KMT2E: variants seen among roughly 807,000 people sequenced by gnomAD.
KMT2E encodes the protein lysine methyltransferase 2E (inactive), also known as histone reader KMT2E.
KMT2E carries 30 observed loss-of-function variants against 184.6 expected under a neutral mutation model. That is an observed-to-expected ratio of 0.16 (90% CI 0.12 to 0.22). The LOEUF (loss-of-function observed/expected upper bound fraction) is 0.22, where lower values mean the gene tolerates loss of function less well. Among genes scored for constraint, KMT2E ranks in the 10% least tolerant of loss-of-function variants. The pLI is 1.00. For synonymous variants in KMT2E, 815 were observed against 776.5 expected (o/e 1.05, Z -0.82); for missense variants, 2,023 against 2,237.4 (o/e 0.90, Z 1.93).
At chr7:105,102,944 G>C (rs1348356485) in intron 17 of KMT2E, 1 of 152,174 alleles carries the variant, frequency 6.6e-6, no homozygotes, top group East Asian at 1.9e-4. Flanking sequence ...ATTCTAGTAT[G>C]AACCCAGGAT....
chr7:105,103,827 CTTTTTTTTTTTT>C (rs66584948), intron 17 of KMT2E: 2 of 117,608 alleles, frequency 1.7e-5, no homozygotes, highest in East Asian at 2.7e-4. Context: ...TTTTCTTTTT[CTTTTTTTTTTTT>C]TTTTTTGAGA....
At position 105,112,366 on chromosome 7, in the gene KMT2E, A is replaced by G; in HGVS notation, c.4610A>G (p.Gln1537Arg). The change falls in exon 27 of 27, where the codon CAA becomes CGA. Residue 1537 changes from glutamine (Q) to arginine (R), a missense_variant. This residue lies in a region of KMT2E where 1,108 missense variants were observed against 1,050.9 expected (regional missense o/e 1.05). Coordinates refer to ENST00000311117, the MANE Select transcript of KMT2E (RefSeq NM_182931.3). Reference protein sequence around the residue: ...SSATYSQFNQQSLNSTAPPPP... With the variant: ...SSATYSQFNQRSLNSTAPPPP... The stretch of plus-strand genomic sequence containing the variant: ...GCAACATACAGTCAGTTTAACCAAC[A>G]AAGTCTGAACAGCACGGCACCACCC... 3 of 1,613,182 alleles carry G rather than the reference A, an allele frequency of 1.9e-6. No individual in the cohort carries two copies. Among genetic ancestry groups the G allele is most frequent in the Non-Finnish European group, 2.5e-6 (3 of 1,180,016 alleles).
chr7:105,027,484 G>A (rs1023056717), intron 1 of KMT2E, among the ~76,000 whole-genome samples: 6 of 152,072 alleles, frequency 3.9e-5, no homozygotes, highest in Admixed American at 3.3e-4. Flanking sequence ...TTCAGAGATT[G>A]TGTGCTTTTT....
Position 105,111,076 on chromosome 7 carries a change from A to G in KMT2E, c.4068+208A>G, listed in dbSNP as rs186938437. The stretch of plus-strand genomic sequence containing the variant: ...ATGGATAACTCTGACCAAACATTCA[A>G]GTTTTCTAAGCACACTTCAACAGCT... On this transcript the variant is annotated intron_variant, in intron 26 of 26. Transcript: ENST00000311117. 2.7e-4 allele frequency: 147 copies of G among 548,778 alleles called. 1 individual carries two copies. The highest frequency in any genetic ancestry group is 2.1e-4 in the East Asian group (7 of 33,468). 34.0% of individuals were successfully genotyped at this position (548,778 alleles called of 1,614,324 possible). A position where few individuals can be genotyped will look rare whatever the true frequency, so the allele number is the denominator to read the frequency against.
At chr7:105,100,891 T>G (rs1376246443) in intron 15 of KMT2E, among the ~76,000 whole-genome samples, 1 of 152,028 alleles carries the variant, frequency 6.6e-6, no homozygotes, top group East Asian at 1.9e-4. Flanking sequence ...ATTACCCACA[T>G]CTTACTGTCT....
chr7:105,084,372 A>T (rs1044240204), intron 13 of KMT2E, among the ~76,000 whole-genome samples: 27 of 152,184 alleles, frequency 1.8e-4, no homozygotes, highest in Admixed American at 9.2e-4. Context: ...CACACCTGTA[A>T]TCCCAGCACT....
intron 17 of KMT2E, chr7:105,103,063 G>A (rs1229551471): frequency 6.6e-6 from 1 of 152,042 alleles, no homozygotes; most frequent in Non-Finnish European, 1.5e-5. Context: ...TCTCCTTACT[G>A]CACCGCCATA....
rs572805097 is a variant in KMT2E at position 105,112,130 on chromosome 7, A to G, written c.4374A>G (p.Thr1458=). The G allele has an allele frequency of 9.3e-6, 15 of 1,613,814 alleles. No individual in the cohort carries two copies. In the African/African-American group the frequency reaches 1.3e-4, roughly 14 times the overall value. The change falls in exon 27 of 27, where the codon ACA becomes ACG. Residue 1458 remains threonine (T), a synonymous_variant. Coordinates refer to ENST00000311117, the MANE Select transcript of KMT2E (RefSeq NM_182931.3). ...CTCCAAAGTCATCCACGCCTCACAC[A>G]CCTGTACAGCATGGTTATCTTTCAC... ...ENPPKSSTPH[T]PVQHGYLSPK...
In KMT2E at chr7:105,030,622, A is replaced by G. The variant is rs1386849061; in HGVS notation, c.-188-7504A>G. Among the ~76,000 whole-genome samples, 5 of 152,200 alleles carry G rather than the reference A, an allele frequency of 3.3e-5. No individual in the cohort carries two copies. In the East Asian group the frequency reaches 7.7e-4, roughly 23 times the overall value. On this transcript the variant is annotated intron_variant, in intron 1 of 26. Coordinates refer to ENST00000311117, the MANE Select transcript of KMT2E (RefSeq NM_182931.3). ...TCTGTCCAATGTTGTAACCAGTACTAAAATAGAGCACTGGTGTGAATGCCC... is the reference window on the plus strand; with the variant it reads ...TCTGTCCAATGTTGTAACCAGTACTGAAATAGAGCACTGGTGTGAATGCCC...
Position 105,112,922 on chromosome 7 carries a change from A to C in KMT2E, c.5166A>C (p.Pro1722=), listed in dbSNP as rs751560650. 2.5e-6 allele frequency: 4 copies of C among 1,612,294 alleles called. No individual in the cohort carries two copies. The South Asian group carries it at 4.4e-5, about 18-fold the overall frequency. ...CACCCCCACCACCCCCTCCGCCGCC[A>C]CCTTCCAGTGTTTTGGCTTCTGGGC... ...NSAPPPPPPP[P]PSSVLASGHH... Residue 1722 remains proline (P), a synonymous_variant, in exon 27 of 27, where the codon CCA becomes CCC. Coordinates refer to ENST00000311117, the MANE Select transcript of KMT2E (RefSeq NM_182931.3).
chr7:105,091,603 C>G (rs886470994), intron 15 of KMT2E: 4 of 509,390 alleles, frequency 7.9e-6, no homozygotes, highest in African/African-American at 7.8e-5. Context: ...AATTTTAATG[C>G]CACAATTACT....
intron 17 of KMT2E, 82 bp from the exon 18 acceptor site, chr7:105,105,357 C>T: frequency 1.6e-5 from 16 of 1,015,156 alleles, no homozygotes; most frequent in South Asian, 9.2e-5. Flanking sequence ...GATAATACAC[C>T]AATTTCAAAT....
chr7:105,047,933 A>T (rs780489783), intron 3 of KMT2E, among the ~76,000 whole-genome samples: 2 of 152,246 alleles, frequency 1.3e-5, no homozygotes, highest in African/African-American at 2.4e-5. Flanking sequence ...ATTCCCAAGG[A>T]TTCTAAGAGC....
intron 12 of KMT2E, among the ~76,000 whole-genome samples, chr7:105,079,511 C>CTT (rs66734303): frequency 0.014 from 872 of 62,338 alleles, 216 homozygotes; most frequent in Middle Eastern, 0.026. Context: ...ATTGGACTTC[C>CTT]TTTTTTTTTT....
chr7:105,087,702 G>A (rs1798040960), intron 13 of KMT2E, among the ~76,000 whole-genome samples: 1 of 151,866 alleles, frequency 6.6e-6, no homozygotes, highest in African/African-American at 2.4e-5. Flanking sequence ...GGGATTACAA[G>A]CGTGAATTAC....
At chr7:105,023,056 G>C (rs1795017856) in intron 1 of KMT2E, among the ~76,000 whole-genome samples, 1 of 152,154 alleles carries the variant, frequency 6.6e-6, no homozygotes, top group African/African-American at 2.4e-5. Flanking sequence ...ACACACAAAA[G>C]ATGTGCTTCT....
rs544002599 is a variant in KMT2E, at chr7:105,033,986, G to A, written c.-188-4140G>A. ...ATCTATTCCTCAGAGAACTAATCCA[G>A]TCTTGCCAGAGATAATGCTCTCACT... is the stretch of plus-strand genomic sequence containing the variant. On this transcript the variant is annotated intron_variant, in intron 1 of 26. Transcript: ENST00000311117. 2.6e-5 allele frequency among the ~76,000 whole-genome samples: 4 copies of A among 152,196 alleles called. No individual in the cohort carries two copies. In the East Asian group the frequency reaches 7.7e-4, roughly 29 times the overall value.
intron 16 of KMT2E, 61 bp from the exon 17 acceptor site, chr7:105,101,825 T>A: frequency 5.4e-6 from 7 of 1,294,846 alleles, no homozygotes; most frequent in Non-Finnish European, 7.4e-6. Context: ...ATAATGCTAT[T>A]ATATTTAAAC....
In KMT2E at chr7:105,112,067, A is replaced by T. The variant is rs1204539427; in HGVS notation, c.4311A>T (p.Thr1437=). 1 of 1,614,212 alleles carries T rather than the reference A, an allele frequency of 6.2e-7. No homozygotes were observed. The highest frequency in any genetic ancestry group is 8.5e-7 in the Non-Finnish European group (1 of 1,180,024). The change falls in exon 27 of 27, where the codon ACA becomes ACT. Residue 1437 remains threonine (T), a synonymous_variant. Coordinates refer to ENST00000311117, the MANE Select transcript of KMT2E (RefSeq NM_182931.3). ...QLSQKLPSVP[T]KLHCPPSPHL... is the part of the protein sequence containing the mutation. Reference sequence around the variant, plus strand: ...CACAAAAGCTGCCTTCTGTGCCAACAAAGTTGCACTGTCCTCCATCACCTC... The same window carrying T: ...CACAAAAGCTGCCTTCTGTGCCAACTAAGTTGCACTGTCCTCCATCACCTC...
Sources: allele counts gnomAD v4.1 joint callset (sites outside exome capture counted in the v4.1 genomes callset), GRCh38; gene constraint gnomAD v4.1.1; regional missense constraint gnomAD v4.1.1; transcripts MANE v1.5; gene names NCBI Gene and HGNC (gene_info 2026-07-23, HGNC 2026-07-21).